TMEFF2: variants seen among roughly 807,000 people sequenced by gnomAD.
TMEFF2 encodes tomoregulin-2.
TMEFF2 carries 28 observed loss-of-function variants against 53.8 expected under a neutral mutation model. The observed-to-expected ratio is 0.52, with a 90% CI of 0.39 to 0.71. The LOEUF is 0.71. Among genes scored for constraint, TMEFF2 ranks in the 30% least tolerant of loss-of-function variants. The probability of loss-of-function intolerance (pLI) is 0.00; values close to 1 mark genes in which losing one functional copy is unlikely to be tolerated. For synonymous variants in TMEFF2, 162 were observed against 166.3 expected (o/e 0.97, Z 0.20); for missense variants, 353 against 455.2 (o/e 0.78, Z 2.04).
At position 192,194,401 on chromosome 2, in the gene TMEFF2, G is replaced by A; in HGVS notation, c.124C>T (p.Pro42Ser). Residue 42 changes from proline (P) to serine (S), a missense_variant, in exon 1 of 10, where the codon CCT becomes TCT. Pro to Ser is a moderately conservative substitution (Grantham distance 74). Transcript: ENST00000272771. The surrounding 1 kb of genome is among the most constrained non-coding windows in gnomAD (Gnocchi z 4.2). Reference protein sequence around the residue: ...VARPVKLAAFPTSLSDCQTPT... With the variant: ...VARPVKLAAFSTSLSDCQTPT... ...GTTTGGCAGTCACTTAAGGAGGTAG[G>A]GAAAGCAGCGAGCTTCACCGGGCGG... 6.2e-7 allele frequency: 1 copy of A among 1,614,162 alleles called. No homozygotes were observed. The highest frequency in any genetic ancestry group is 8.5e-7 in the Non-Finnish European group (1 of 1,180,030).
At chr2:192,065,935 C>T (rs965988619) in intron 4 of TMEFF2, among the ~76,000 whole-genome samples, 1 of 151,658 alleles carries the variant, frequency 6.6e-6, no homozygotes, top group East Asian at 1.9e-4. Flanking sequence ...TATGCTTCTC[C>T]CACATGTGAG....
rs987346686 is a variant in TMEFF2 at position 192,095,915 on chromosome 2, G to A, written c.440-38140C>T. On this transcript the variant is annotated intron_variant, in intron 4 of 9. Coordinates refer to ENST00000272771, the MANE Select transcript of TMEFF2 (RefSeq NM_016192.4). ...TAGTTTTTGACATAATCCCTAATTT[G>A]AGGTTAAGATATTAATATATTCAGA... Among the ~76,000 whole-genome samples the A allele has an allele frequency of 5.3e-5, 8 of 152,130 alleles. No homozygotes were observed. The South Asian group carries it at 1.2e-3, about 24-fold the overall frequency.
intron 4 of TMEFF2, among the ~76,000 whole-genome samples, chr2:192,089,515 C>G (rs987946680): frequency 6.6e-6 from 1 of 152,048 alleles, no homozygotes; most frequent in Admixed American, 6.6e-5. Flanking sequence ...GAGTAAAACC[C>G]TTAGAATCTT....
rs534202455 is a variant in TMEFF2 at position 192,055,177 on chromosome 2, A to T, written c.536+2502T>A. ...ACGTTAGAAACGAAATATTTTAAGG[A>T]TACATTTCCTATTTGTGTGTCTTGA... is the stretch of plus-strand genomic sequence containing the variant. On this transcript the variant is annotated intron_variant, in intron 5 of 9. Coordinates refer to ENST00000272771, the MANE Select transcript of TMEFF2 (RefSeq NM_016192.4). 1.9e-4 allele frequency among the ~76,000 whole-genome samples: 29 copies of T among 152,354 alleles called. No homozygotes were observed. In the East Asian group the frequency reaches 2.9e-3, roughly 15 times the overall value.
intron 4 of TMEFF2, chr2:192,178,174 C>T (rs1423740120): frequency 6.6e-6 from 1 of 150,998 alleles, no homozygotes; most frequent in East Asian, 1.9e-4. Flanking sequence ...TAAAACTAAA[C>T]AGCTAGAAAA....
intron 3 of TMEFF2, among the ~76,000 whole-genome samples, chr2:192,183,665 AT>A (rs1034826386): frequency 6.6e-6 from 1 of 152,040 alleles, no homozygotes; most frequent in Non-Finnish European, 1.5e-5. Context: ...AGCATTCCCC[AT>A]TTTAAAGCAT....
intron 7 of TMEFF2, among the ~76,000 whole-genome samples, chr2:191,980,873 C>T (rs1268597670): frequency 6.6e-6 from 1 of 152,074 alleles, no homozygotes; most frequent in Non-Finnish European, 1.5e-5. Flanking sequence ...CGTATTTTTC[C>T]TGACTTTCCA....
rs1337539509 is a variant in TMEFF2 at position 192,060,446 on chromosome 2, A to G, written c.440-2671T>C. Among the ~76,000 whole-genome samples, 5 of 152,210 alleles carry G rather than the reference A, an allele frequency of 3.3e-5. No individual in the cohort carries two copies. The East Asian group carries it at 9.6e-4, about 29-fold the overall frequency. On this transcript the variant is annotated intron_variant, in intron 4 of 9. Transcript: ENST00000272771. ...TTTTAGCGGGTGGTGAAATTAATGC[A>G]TCATGACTTGCATTTCTGTAAACAT...
intron 7 of TMEFF2, among the ~76,000 whole-genome samples, chr2:191,976,958 G>A (rs1685744478): frequency 6.6e-6 from 1 of 152,218 alleles, no homozygotes; most frequent in Non-Finnish European, 1.5e-5. Flanking sequence ...CACACAGTAA[G>A]TACTCAATAA....
In TMEFF2 at chr2:192,116,291, A is replaced by G. The variant is rs113227117; in HGVS notation, c.440-58516T>C. On this transcript the variant is annotated intron_variant, in intron 4 of 9. Coordinates refer to ENST00000272771, the MANE Select transcript of TMEFF2 (RefSeq NM_016192.4). ...AATCTAAAGAGTCAAACTCATGGAAACTGAGAGCAGAGTGTGATTACGGAG... is the reference window on the plus strand; with the variant it reads ...AATCTAAAGAGTCAAACTCATGGAAGCTGAGAGCAGAGTGTGATTACGGAG... Among the ~76,000 whole-genome samples the G allele has an allele frequency of 9.9e-3, 1,507 of 152,142 alleles. 24 individuals carry two copies. Among genetic ancestry groups the G allele is most frequent in the African/African-American group, 0.032 (1,338 of 41,562 alleles).
intron 4 of TMEFF2, among the ~76,000 whole-genome samples, chr2:192,119,648 G>A (rs1689500944): frequency 6.6e-6 from 1 of 152,192 alleles, no homozygotes; most frequent in African/African-American, 2.4e-5. Flanking sequence ...TTTCACCTCA[G>A]ACAATACATC....
chr2:192,054,345 T>G (rs1687849505), intron 5 of TMEFF2, among the ~76,000 whole-genome samples: 1 of 152,154 alleles, frequency 6.6e-6, no homozygotes, highest in Admixed American at 6.6e-5. Context: ...GGCTTTCCTG[T>G]TTCAGTTCTT....
intron 7 of TMEFF2, among the ~76,000 whole-genome samples, chr2:191,988,243 C>A (rs1034986126): frequency 6.6e-6 from 1 of 152,164 alleles, no homozygotes; most frequent in Non-Finnish European, 1.5e-5. Context: ...TTTCCCTGGT[C>A]TGCCTGTTGG....
chr2:192,082,888 G>T (rs1688585204), intron 4 of TMEFF2, among the ~76,000 whole-genome samples: 1 of 150,858 alleles, frequency 6.6e-6, no homozygotes, highest in African/African-American at 2.4e-5. Context: ...GTGCTAAATA[G>T]AACATTTTAC....
At chr2:191,985,865 A>C (rs1479562593) in intron 7 of TMEFF2, among the ~76,000 whole-genome samples, 1 of 152,186 alleles carries the variant, frequency 6.6e-6, no homozygotes. Flanking sequence ...CAATACAATC[A>C]GGTCTATTCC....
intron 9 of TMEFF2, among the ~76,000 whole-genome samples, chr2:191,950,908 T>TTA (rs1691855449): frequency 2.0e-5 from 3 of 152,198 alleles, no homozygotes. Context: ...TTTTTGTACA[T>TTA]TACTAGTATA....
Position 192,079,501 on chromosome 2 carries a change from A to G in TMEFF2, c.440-21726T>C, listed in dbSNP as rs191067168. Among the ~76,000 whole-genome samples the G allele has an allele frequency of 1.4e-4, 21 of 152,316 alleles. No homozygotes were observed. The East Asian group carries it at 4.1e-3, about 29-fold the overall frequency. On this transcript the variant is annotated intron_variant, in intron 4 of 9. Transcript: ENST00000272771. The stretch of plus-strand genomic sequence containing the variant: ...TAGAAAAAACATGGATCTCTGAGTG[A>G]TCGTGTGGATCAAAGCTGTTCATCT...
At chr2:192,111,776 T>C (rs116342687) in intron 4 of TMEFF2, among the ~76,000 whole-genome samples, 2,622 of 152,250 alleles carry the variant, frequency 0.017, 56 homozygotes, top group African/African-American at 0.059. Context: ...GCTGGGCCCA[T>C]GGCCCCCCTG....
chr2:192,073,639 A>T (rs1688343254), intron 4 of TMEFF2, among the ~76,000 whole-genome samples: 1 of 151,980 alleles, frequency 6.6e-6, no homozygotes, highest in African/African-American at 2.4e-5. Flanking sequence ...CAATATCCAT[A>T]TCTATGATTA....
Sources: gnomAD v4.1 joint callset for allele counts (sites outside exome capture counted in the v4.1 genomes callset) on GRCh38, gnomAD v4.1.1 for gene constraint, Gnocchi (gnomAD v3.1) non-coding constraint, MANE v1.5 for transcripts, NCBI Gene and HGNC (gene_info 2026-07-23, HGNC 2026-07-21) for gene names.